The following BLTP3A variants were observed in gnomAD, a reference collection of about 807,000 sequenced individuals.
The protein encoded by BLTP3A is ICBP90 binding protein 1.
the BLTP3A span, among the ~76,000 whole-genome samples, chr6:34,793,695 C>T: frequency 6.6e-6 from 1 of 151,982 alleles, no homozygotes; most frequent in Non-Finnish European, 1.5e-5. Flanking sequence ...CTAGATGTTC[C>T]ATGAGTCTGG....
chr6:34,868,860 C>T, the BLTP3A span, among the ~76,000 whole-genome samples: 4 of 151,848 alleles, frequency 2.6e-5, no homozygotes, highest in African/African-American at 9.7e-5. Context: ...CACTGCACTC[C>T]AGCCTGGGCA....
the BLTP3A span, among the ~76,000 whole-genome samples, chr6:34,840,391 TAA>T: frequency 4.0e-5 from 5 of 123,518 alleles, no homozygotes; most frequent in Non-Finnish European, 3.3e-5. Context: ...CGTCTCTACT[TAA>T]AAAAAAAAAA....
At chr6:34,822,531 G>A in the BLTP3A span, among the ~76,000 whole-genome samples, 3 of 152,244 alleles carry the variant, frequency 2.0e-5, no homozygotes, top group African/African-American at 7.2e-5. Context: ...GAGCCACCGC[G>A]CCTGGCACTC....
At chr6:34,872,007 CA>C in the BLTP3A span, 3 of 1,397,142 alleles carry the variant, frequency 2.1e-6, no homozygotes, top group Non-Finnish European at 3.0e-6. Context: ...GGTTGGGGGG[CA>C]AAAAGGTTGC....
At chr6:34,796,073 G>A in the BLTP3A span, among the ~76,000 whole-genome samples, 1 of 152,200 alleles carries the variant, frequency 6.6e-6, no homozygotes, top group Non-Finnish European at 1.5e-5. Context: ...TCCCAAACCT[G>A]ATGGGGAAAG....
chr6:34,848,295 T>A, the BLTP3A span, among the ~76,000 whole-genome samples: 1,010 of 135,056 alleles, frequency 7.5e-3, 10 homozygotes, highest in Non-Finnish European at 0.012. Flanking sequence ...AAAAAAAAAA[T>A]AATAATAATC....
the BLTP3A span, among the ~76,000 whole-genome samples, chr6:34,816,602 G>T: frequency 2.0e-5 from 3 of 152,106 alleles, no homozygotes; most frequent in Admixed American, 6.6e-5. Flanking sequence ...GATAGAGTGA[G>T]ACTGTCTCAA....
chr6:34,808,692 T>C, the BLTP3A span, among the ~76,000 whole-genome samples: 2 of 152,012 alleles, frequency 1.3e-5, no homozygotes, highest in Non-Finnish European at 2.9e-5. Context: ...CAAGGGATCC[T>C]CCCACCTCAG....
chr6:34,857,162 C>T, the BLTP3A span, among the ~76,000 whole-genome samples: 7 of 152,160 alleles, frequency 4.6e-5, no homozygotes, highest in Non-Finnish European at 8.8e-5. Context: ...AACTAACTCG[C>T]GTATAGTGCG....
chr6:34,792,278 C>G, the BLTP3A span: 1 of 1,545,546 alleles, frequency 6.5e-7, no homozygotes, highest in Non-Finnish European at 8.7e-7. Flanking sequence ...GAAGCAGATC[C>G]TGAAACACCT....
the BLTP3A span, among the ~76,000 whole-genome samples, chr6:34,808,959 G>A: frequency 1.3e-5 from 2 of 152,144 alleles, no homozygotes; most frequent in Non-Finnish European, 2.9e-5. Flanking sequence ...AGTTTCATTG[G>A]TGATTTCTTT....
the BLTP3A span, among the ~76,000 whole-genome samples, chr6:34,842,123 T>C: frequency 5.3e-5 from 8 of 152,232 alleles, no homozygotes; most frequent in Non-Finnish European, 1.0e-4. Context: ...TCATTCCATA[T>C]AGTTTATTGT....
chr6:34,834,351 A>C, the BLTP3A span: 1 of 1,613,970 alleles, frequency 6.2e-7, no homozygotes, highest in Non-Finnish European at 8.5e-7. Context: ...GTCAACCCCA[A>C]CTGGCAGCAG....
At chr6:34,798,619 G>A in the BLTP3A span, among the ~76,000 whole-genome samples, 2 of 44,164 alleles carry the variant, frequency 4.5e-5, no homozygotes, top group East Asian at 1.3e-3. Context: ...TTTTTACTTT[G>A]TCTGTGGTAA....
the BLTP3A span, chr6:34,835,383 G>A: frequency 6.2e-7 from 1 of 1,614,170 alleles, no homozygotes; most frequent in Non-Finnish European, 8.5e-7. Flanking sequence ...TCAAGGCTAT[G>A]ATGAAGTATG....
At chr6:34,799,491 GA>G in the BLTP3A span, among the ~76,000 whole-genome samples, 99 of 129,862 alleles carry the variant, frequency 7.6e-4, no homozygotes, top group Middle Eastern at 4.0e-3. Context: ...CCCTGTCTGG[GA>G]AAAAAAAAAA....
the BLTP3A span, among the ~76,000 whole-genome samples, chr6:34,807,641 C>A: frequency 1.3e-5 from 2 of 152,148 alleles, no homozygotes; most frequent in Non-Finnish European, 2.9e-5. Flanking sequence ...AAGTCATGGG[C>A]TAGACAGCTA....
At chr6:34,863,395 G>T in the BLTP3A span, among the ~76,000 whole-genome samples, 1 of 152,134 alleles carries the variant, frequency 6.6e-6, no homozygotes, top group African/African-American at 2.4e-5. Context: ...ATTCTTACCA[G>T]TTTCTTTTTG....
At chr6:34,839,666 A>T in the BLTP3A span, among the ~76,000 whole-genome samples, 25 of 152,228 alleles carry the variant, frequency 1.6e-4, no homozygotes, top group African/African-American at 6.0e-4. Context: ...GCCAGGGGGT[A>T]GGCAGGTGAA....
Sources: gnomAD v4.1 joint callset for allele counts (sites outside exome capture counted in the v4.1 genomes callset) on GRCh38, gnomAD v4.1.1 for gene constraint, MANE v1.5 for transcripts, NCBI Gene and HGNC (gene_info 2026-07-23, HGNC 2026-07-21) for gene names.